RECK: variants seen among roughly 807,000 people sequenced by gnomAD.
RECK encodes reversion inducing cysteine rich protein with kazal motifs, also known as reversion-inducing cysteine-rich protein with Kazal motifs.
In RECK, 69 loss-of-function variants were observed where a neutral mutation model predicts 115.1. The observed-to-expected ratio is 0.60, with a 90% CI of 0.49 to 0.73. The LOEUF is 0.73. Among genes scored for constraint, RECK ranks in the 30% least tolerant of loss-of-function variants. RECK has a pLI of 0.00. For missense variants in RECK, 1,047 were observed against 1,203.7 expected, an observed-to-expected ratio of 0.87 and a Z score of 1.93; for synonymous variants, 414 against 419.7, an observed-to-expected ratio of 0.99 and a Z score of 0.17.
chr9:36,124,162 G>A lies in RECK; in HGVS notation c.*1117G>A, dbSNP rs948402681. Reference sequence around the variant, plus strand: ...TGTTGTCTAAGAAATTGAATACTTTGAATGTGTTTCACAGTTTGAAATAAG... The same window carrying A: ...TGTTGTCTAAGAAATTGAATACTTTAAATGTGTTTCACAGTTTGAAATAAG... On this transcript the variant is annotated 3_prime_UTR_variant, in exon 21 of 21. Coordinates refer to ENST00000377966, the MANE Select transcript of RECK (RefSeq NM_021111.3). The A allele has an allele frequency of 5.9e-5, 9 of 152,632 alleles. No individual in the cohort carries two copies. The highest frequency in any genetic ancestry group is 1.0e-4 in the Non-Finnish European group (7 of 68,040). The allele number at this position is 152,632 out of a possible 1,614,324, so 9.5% of individuals were successfully genotyped here. A position where few individuals can be genotyped will look rare whatever the true frequency, so the allele number is the denominator to read the frequency against.
chr9:36,064,013 G>A, intron 5 of RECK, 133 bp downstream of exon 5: 3 of 711,880 alleles, frequency 4.2e-6, no homozygotes, highest in Admixed American at 2.6e-5. Flanking sequence ...AGCATTTTTT[G>A]TATAGACCAT....
intron 17 of RECK, among the ~76,000 whole-genome samples, chr9:36,117,504 T>C (rs1415925105): frequency 6.6e-6 from 1 of 152,132 alleles, no homozygotes; most frequent in Non-Finnish European, 1.5e-5. Flanking sequence ...CTCTGGGCCC[T>C]CACTAAGAAA....
Position 36,102,106 on chromosome 9 carries a change from G to A in RECK, c.1311G>A (p.Val437=). ...TTTTTTTTTCAAGATCAGATTGTGT[G>A]GAGATTCTTAAAAAATGTGGAGACC... ...RGSIICKSDC[V]EILKKCGDQN... Residue 437 remains valine, a synonymous_variant, in exon 12 of 21, where the codon GTG becomes GTA. Coordinates refer to ENST00000377966, the MANE Select transcript of RECK (RefSeq NM_021111.3). 1 of 1,612,530 alleles carries A rather than the reference G, an allele frequency of 6.2e-7. No individual in the cohort carries two copies. Among genetic ancestry groups the A allele is most frequent in the South Asian group, 1.1e-5 (1 of 90,704 alleles).
intron 10 of RECK, 150 bp from the exon 11 acceptor site, chr9:36,100,181 A>G (rs1011307504): frequency 3.1e-5 from 19 of 620,330 alleles, no homozygotes; most frequent in Admixed American, 5.8e-5. Flanking sequence ...GAATCTTCAT[A>G]CAATCGAAGC....
At chr9:36,089,480 C>T (rs1456819216) in intron 9 of RECK, among the ~76,000 whole-genome samples, 4 of 152,160 alleles carry the variant, frequency 2.6e-5, no homozygotes, top group Non-Finnish European at 5.9e-5. Flanking sequence ...CTGTCCAAGG[C>T]AAATACAGAT....
At chr9:36,099,032 C>T (rs1823463422) in intron 10 of RECK, among the ~76,000 whole-genome samples, 1 of 152,056 alleles carries the variant, frequency 6.6e-6, no homozygotes, top group South Asian at 2.1e-4. Flanking sequence ...TTGAGACCAG[C>T]CTGGGCAACA....
chr9:36,088,195 T>A (rs1472251247), intron 9 of RECK, among the ~76,000 whole-genome samples: 1 of 152,220 alleles, frequency 6.6e-6, no homozygotes, highest in Non-Finnish European at 1.5e-5. Flanking sequence ...AGGATTAGCA[T>A]TGGCAGGGTA....
intron 6 of RECK, among the ~76,000 whole-genome samples, chr9:36,076,050 A>AT (rs1402594117): frequency 1.3e-5 from 2 of 152,084 alleles, no homozygotes; most frequent in South Asian, 2.1e-4. Flanking sequence ...GGAATGAACC[A>AT]TTTTTTTCAA....
In RECK at chr9:36,037,464, G is replaced by A. The variant is rs187246182; in HGVS notation, c.100+366G>A. On this transcript the variant is annotated intron_variant, in intron 1 of 20. Coordinates refer to ENST00000377966, the MANE Select transcript of RECK (RefSeq NM_021111.3). ...TAGATGGGATTTCGGATACGCAGCCGCCCTACCGCGGCCCTAGTTAGTTAT... is the reference window on the plus strand; with the variant it reads ...TAGATGGGATTTCGGATACGCAGCCACCCTACCGCGGCCCTAGTTAGTTAT... 9.8e-4 allele frequency among the ~76,000 whole-genome samples: 148 copies of A among 151,786 alleles called. 1 individual carries two copies. The highest frequency in any genetic ancestry group is 3.4e-3 in the Middle Eastern group (1 of 292).
chr9:36,056,116 G>A (rs1301250266), intron 2 of RECK, among the ~76,000 whole-genome samples: 1 of 151,932 alleles, frequency 6.6e-6, no homozygotes, highest in Admixed American at 6.6e-5. Flanking sequence ...ATGACCAGTT[G>A]TGTTTCATTT....
chr9:36,116,472 A>G (rs1824272507), intron 16 of RECK, among the ~76,000 whole-genome samples: 1 of 152,170 alleles, frequency 6.6e-6, no homozygotes, highest in Admixed American at 6.5e-5. Flanking sequence ...GCTGAAAGTT[A>G]AGCCCGTGGA....
Position 36,092,542 on chromosome 9 carries a change from A to ATTT in RECK, c.1085+1218_1085+1220dup, listed in dbSNP as rs71508011. ...AGGCGCCTGCCACCACACCCAGCTAATTTTTTTTTTTTTTTTTTTTTGTAT... is the reference window on the plus strand; with the variant it reads ...AGGCGCCTGCCACCACACCCAGCTAATTTTTTTTTTTTTTTTTTTTTTTTGTAT... On this transcript the variant is annotated intron_variant, in intron 10 of 20. Transcript: ENST00000377966. Among the ~76,000 whole-genome samples the ATTT allele has an allele frequency of 4.9e-3, 569 of 117,024 alleles. 11 individuals are homozygous for ATTT. Among genetic ancestry groups the ATTT allele is most frequent in the African/African-American group, 0.017 (535 of 32,004 alleles). 76.8% of individuals were successfully genotyped at this position (117,024 alleles called of 152,430 possible).
intron 1 of RECK, among the ~76,000 whole-genome samples, chr9:36,043,088 G>T (rs1383383005): frequency 4.1e-5 from 5 of 120,818 alleles, no homozygotes; most frequent in Non-Finnish European, 8.0e-5. Flanking sequence ...TGCATCTCGT[G>T]ATCTCGGCTC....
chr9:36,100,616 C>T, intron 11 of RECK, 73 bp downstream of exon 11: 1 of 1,165,572 alleles, frequency 8.6e-7, no homozygotes, highest in Non-Finnish European at 1.2e-6. Context: ...AGAGCCTCTC[C>T]ATAGAATTTT....
chr9:36,119,954 G>A (rs1018480565), intron 18 of RECK, among the ~76,000 whole-genome samples: 1 of 152,156 alleles, frequency 6.6e-6, no homozygotes, highest in South Asian at 2.1e-4. Flanking sequence ...ATTTGAATCG[G>A]TCGGGCGTGG....
At position 36,066,790 on chromosome 9, in the gene RECK, G is replaced by T. The variant is rs1357108496; in HGVS notation, c.405+1166G>T. On this transcript the variant is annotated intron_variant, in intron 6 of 20. Coordinates refer to ENST00000377966, the MANE Select transcript of RECK (RefSeq NM_021111.3). ...ATAGCCTGTCCTCCGTTATTTTAGT[G>T]TGCTTCCTTCTCTTGTCTGGATTTC... The T allele has an allele frequency of 9.3e-6, 12 of 1,288,084 alleles. No individual in the cohort carries two copies. In the East Asian group the frequency reaches 6.7e-4, roughly 72 times the overall value. The allele number at this position is 1,288,084 out of a possible 1,614,324, so 79.8% of individuals were successfully genotyped here. A position where few individuals can be genotyped will look rare whatever the true frequency, so the allele number is the denominator to read the frequency against.
intron 4 of RECK, among the ~76,000 whole-genome samples, chr9:36,060,655 T>C (rs1441316418): frequency 6.6e-6 from 1 of 150,658 alleles, no homozygotes; most frequent in Non-Finnish European, 1.5e-5. Context: ...TGCCTTGCCT[T>C]TTTTTTTTGC....
intron 10 of RECK, among the ~76,000 whole-genome samples, chr9:36,091,833 C>G (rs899339050): frequency 1.3e-5 from 2 of 152,092 alleles, no homozygotes; most frequent in African/African-American, 2.4e-5. Context: ...AAGAACTGAG[C>G]CTTGGAGCAT....
chr9:36,102,364 A>G (rs1380167467), intron 12 of RECK, 134 bp downstream of exon 12: 3 of 770,938 alleles, frequency 3.9e-6, no homozygotes, highest in Admixed American at 3.0e-5. Context: ...TCAATCACAG[A>G]CTCTTGTTTG....
Sources: gnomAD v4.1 joint callset for allele counts (sites outside exome capture counted in the v4.1 genomes callset) on GRCh38, gnomAD v4.1.1 for gene constraint, MANE v1.5 for transcripts, NCBI Gene and HGNC (gene_info 2026-07-23, HGNC 2026-07-21) for gene names.